ZDHHC14: variants seen among roughly 807,000 people sequenced by gnomAD.
The protein encoded by ZDHHC14 is zDHHC palmitoyltransferase 14.
A neutral mutation model predicts 47.7 loss-of-function variants in ZDHHC14; 16 were observed. That is an observed-to-expected ratio of 0.34 (90% confidence interval 0.23 to 0.51). ZDHHC14 has a LOEUF of 0.51. Ranked by LOEUF, ZDHHC14 falls within the 20% of genes least tolerant of loss-of-function variation. The pLI is 0.97. For missense variants in ZDHHC14, 515 were observed against 662.5 expected (o/e 0.78, Z 2.44); for synonymous variants, 293 against 278.9 (o/e 1.05, Z -0.50).
intron 1 of ZDHHC14, among the ~76,000 whole-genome samples, chr6:157,403,109 C>T (rs1777677908): frequency 6.6e-6 from 1 of 152,194 alleles, no homozygotes; most frequent in Admixed American, 6.5e-5. Context: ...CTAATTTTCA[C>T]CAGAGTTCAT....
At chr6:157,571,164 G>A (rs1050095330) in intron 2 of ZDHHC14, among the ~76,000 whole-genome samples, 3 of 152,188 alleles carry the variant, frequency 2.0e-5, no homozygotes, top group Non-Finnish European at 2.9e-5. Flanking sequence ...CCGCATTCAC[G>A]TTAAAGTTCA....
At position 157,513,871 on chromosome 6, in the gene ZDHHC14, T is replaced by G. The variant is rs530939552; in HGVS notation, c.246-28714T>G. ...GCCATCATGAAACCTGAAAGGAACTTAGAAATCAGCTGTTTCCAGTCCCTC... is the reference window on the plus strand; with the variant it reads ...GCCATCATGAAACCTGAAAGGAACTGAGAAATCAGCTGTTTCCAGTCCCTC... On this transcript the variant is annotated intron_variant, in intron 1 of 8. Coordinates refer to ENST00000359775, the MANE Select transcript of ZDHHC14 (RefSeq NM_024630.3). Among the ~76,000 whole-genome samples, 8 of 152,282 alleles carry G rather than the reference T, an allele frequency of 5.3e-5. No individual in the cohort carries two copies. The South Asian group carries it at 1.7e-3, about 32-fold the overall frequency.
chr6:157,493,569 G>A (rs532482107), intron 1 of ZDHHC14, among the ~76,000 whole-genome samples: 2 of 152,360 alleles, frequency 1.3e-5, no homozygotes, highest in East Asian at 3.9e-4. Context: ...CCAACCCACA[G>A]GCCCACTGCT....
Position 157,586,514 on chromosome 6 carries a change from G to C in ZDHHC14, c.407-6474G>C, listed in dbSNP as rs1251678703. ...AGGAGAGAGAAGGTTCATGGATTGT[G>C]TGCTGTATGGGAGGGCCTGAGTTTC... On this transcript the variant is annotated intron_variant, in intron 2 of 8. Transcript: ENST00000359775. The surrounding 1 kb of genome is among the most constrained non-coding windows in gnomAD (Gnocchi z 4.6). 6.6e-6 allele frequency among the ~76,000 whole-genome samples: 1 copy of C among 152,188 alleles called. No individual in the cohort carries two copies. The highest frequency in any genetic ancestry group is 1.5e-5 in the Non-Finnish European group (1 of 68,034).
At chr6:157,619,170 C>T (rs189265769) in intron 3 of ZDHHC14, among the ~76,000 whole-genome samples, 1 of 151,676 alleles carries the variant, frequency 6.6e-6, no homozygotes, top group East Asian at 1.9e-4. Context: ...CACTTGAGAT[C>T]AGGAGTTCGA....
At chr6:157,495,127 T>A (rs1242960916) in intron 1 of ZDHHC14, among the ~76,000 whole-genome samples, 3 of 152,170 alleles carry the variant, frequency 2.0e-5, no homozygotes, top group Non-Finnish European at 4.4e-5. Flanking sequence ...AGATTTATAG[T>A]GTTTTTTTGC....
At chr6:157,391,024 C>A (rs1226692549) in intron 1 of ZDHHC14, among the ~76,000 whole-genome samples, 1 of 152,074 alleles carries the variant, frequency 6.6e-6, no homozygotes, top group Non-Finnish European at 1.5e-5. Flanking sequence ...GTGAGTCAAT[C>A]TAGTTTGTAA....
intron 1 of ZDHHC14, among the ~76,000 whole-genome samples, chr6:157,467,906 C>T (rs570651405): frequency 1.3e-5 from 2 of 152,098 alleles, no homozygotes; most frequent in South Asian, 2.1e-4. Flanking sequence ...ATATATCGGT[C>T]GATGGATATT....
At chr6:157,598,865 C>T (rs917786114) in intron 3 of ZDHHC14, among the ~76,000 whole-genome samples, 5 of 152,182 alleles carry the variant, frequency 3.3e-5, no homozygotes, top group Admixed American at 6.5e-5. Flanking sequence ...AAGCCCAAAA[C>T]ACTTTCCAGC....
intron 1 of ZDHHC14, among the ~76,000 whole-genome samples, chr6:157,501,526 C>T (rs955489927): frequency 1.3e-5 from 2 of 152,164 alleles, no homozygotes; most frequent in African/African-American, 4.8e-5. Flanking sequence ...GAAATTTAAG[C>T]CTTGACATTA....
chr6:157,572,165 T>C (rs1481837667), intron 2 of ZDHHC14, among the ~76,000 whole-genome samples: 1 of 152,144 alleles, frequency 6.6e-6, no homozygotes, highest in Non-Finnish European at 1.5e-5. Flanking sequence ...TATCTGGGGC[T>C]GGAACGTTCT....
intron 1 of ZDHHC14, among the ~76,000 whole-genome samples, chr6:157,423,270 G>T (rs1778146497): frequency 6.6e-6 from 1 of 152,212 alleles, no homozygotes; most frequent in African/African-American, 2.4e-5. Context: ...ACAGCTGAAG[G>T]AACTGACACA....
At chr6:157,587,764 C>G (rs765223225) in intron 2 of ZDHHC14, among the ~76,000 whole-genome samples, 8 of 152,182 alleles carry the variant, frequency 5.3e-5, no homozygotes, top group Non-Finnish European at 7.3e-5. Flanking sequence ...ATTGTACTTT[C>G]ACAAACACCA....
Position 157,485,463 on chromosome 6 carries a change from G to A in ZDHHC14, c.246-57122G>A, listed in dbSNP as rs112176431. Reference sequence around the variant, plus strand: ...TTCCTTTCTGAGTCTTAGCCCAAACGTGATTTCTTTAGATTTTTCCCATGT... The same window carrying A: ...TTCCTTTCTGAGTCTTAGCCCAAACATGATTTCTTTAGATTTTTCCCATGT... On this transcript the variant is annotated intron_variant, in intron 1 of 8. Transcript: ENST00000359775. Among the ~76,000 whole-genome samples the A allele has an allele frequency of 7.6e-3, 1,157 of 152,222 alleles. 12 individuals are homozygous for A. Among genetic ancestry groups the A allele is most frequent in the African/African-American group, 0.026 (1,096 of 41,536 alleles).
chr6:157,561,416 G>A (rs1782703218), intron 2 of ZDHHC14, among the ~76,000 whole-genome samples: 1 of 151,946 alleles, frequency 6.6e-6, no homozygotes, highest in Non-Finnish European at 1.5e-5. Context: ...CTTACCGTGT[G>A]TATTATTTTC....
intron 1 of ZDHHC14, among the ~76,000 whole-genome samples, chr6:157,533,835 A>T (rs1349498014): frequency 6.6e-6 from 1 of 152,244 alleles, no homozygotes; most frequent in Non-Finnish European, 1.5e-5. Context: ...TGTTTTAGGA[A>T]TACTGTGGCC....
At chr6:157,645,665 G>A (rs758051802) in intron 5 of ZDHHC14, 72 bp from the exon 6 acceptor site, 24 of 1,264,502 alleles carry the variant, frequency 1.9e-5, no homozygotes, top group Non-Finnish European at 2.4e-5. Flanking sequence ...GGGGTGTTTC[G>A]GTTCCAGGCC....
chr6:157,462,665 A>C (rs1212380004), intron 1 of ZDHHC14, among the ~76,000 whole-genome samples: 2 of 152,238 alleles, frequency 1.3e-5, no homozygotes, highest in African/African-American at 2.4e-5. Context: ...TCTTAGAAAC[A>C]AAAATTATTG....
At chr6:157,540,884 A>ATGTGTGTGTGTG (rs761747961) in intron 1 of ZDHHC14, among the ~76,000 whole-genome samples, 3,015 of 116,892 alleles carry the variant, frequency 0.026, 51 homozygotes, top group African/African-American at 0.029. Context: ...ATATATATGT[A>ATGTGTGTGTGTG]TGTATGTGTG....
Sources: allele counts gnomAD v4.1 joint callset (sites outside exome capture counted in the v4.1 genomes callset), GRCh38; gene constraint gnomAD v4.1.1; non-coding constraint Gnocchi (gnomAD v3.1); transcripts MANE v1.5; gene names NCBI Gene and HGNC (gene_info 2026-07-23, HGNC 2026-07-21).